Variants in MCUB observed in about 807,000 individuals in gnomAD.
MCUB encodes the protein calcium uniporter regulatory subunit MCUb, mitochondrial.
In MCUB, 46 loss-of-function variants were observed where a neutral mutation model predicts 41.4. The observed-to-expected ratio is 1.11, with a 90% CI of 0.88 to 1.42. MCUB has a LOEUF of 1.42. MCUB is among the 40% of genes most tolerant of loss of function. The pLI is 0.00. For synonymous variants in MCUB, 148 were observed against 148.2 expected (o/e 1.00, Z 0.01); for missense variants, 403 against 404.9 (o/e 1.00, Z 0.04).
At chr4:109,586,086 A>G (rs1186737087) in intron 1 of MCUB, among the ~76,000 whole-genome samples, 1 of 152,194 alleles carries the variant, frequency 6.6e-6, no homozygotes, top group East Asian at 1.9e-4. Context: ...TTTCAGGTAC[A>G]CCAATCAGAC....
chr4:109,612,329 T>C (rs548469962), intron 1 of MCUB, among the ~76,000 whole-genome samples: 1 of 147,894 alleles, frequency 6.8e-6, no homozygotes, highest in South Asian at 2.2e-4. Context: ...TGCAGTGGTG[T>C]GATCCCGGCT....
intron 1 of MCUB, among the ~76,000 whole-genome samples, chr4:109,652,985 A>G (rs1330286255): frequency 6.6e-6 from 1 of 152,174 alleles, no homozygotes; most frequent in Non-Finnish European, 1.5e-5. Flanking sequence ...ATGAAATGGC[A>G]TTTGTACAAA....
chr4:109,584,351 T>C (rs989154030), intron 1 of MCUB, among the ~76,000 whole-genome samples: 2 of 152,222 alleles, frequency 1.3e-5, no homozygotes, highest in Non-Finnish European at 2.9e-5. Context: ...TTCTTCTTTA[T>C]TAGTCTTGCT....
chr4:109,609,792 C>T (rs1477881991), intron 1 of MCUB, among the ~76,000 whole-genome samples: 1 of 152,156 alleles, frequency 6.6e-6, no homozygotes, highest in Admixed American at 6.5e-5. Context: ...CCTATGTTCA[C>T]TCAAGACCTT....
chr4:109,676,855 G>A (rs964815348), intron 4 of MCUB, among the ~76,000 whole-genome samples: 32 of 152,222 alleles, frequency 2.1e-4, no homozygotes, highest in Non-Finnish European at 2.5e-4. Context: ...AGTAAAATGA[G>A]AGGAGAATAG....
chr4:109,627,811 A>G (rs905226445), intron 1 of MCUB, among the ~76,000 whole-genome samples: 6 of 151,928 alleles, frequency 3.9e-5, no homozygotes, highest in African/African-American at 1.2e-4. Flanking sequence ...TACTCGGGAA[A>G]CTGAGTCAGG....
chr4:109,643,974 CAA>C (rs1561238371), intron 1 of MCUB, among the ~76,000 whole-genome samples: 1 of 151,916 alleles, frequency 6.6e-6, no homozygotes, highest in Non-Finnish European at 1.5e-5. Flanking sequence ...AAATGTTAAA[CAA>C]GATTTGGGGG....
At chr4:109,600,826 C>T (rs528192589) in intron 1 of MCUB, among the ~76,000 whole-genome samples, 13 of 152,198 alleles carry the variant, frequency 8.5e-5, no homozygotes, top group East Asian at 1.9e-4. Context: ...GACTAAGTCT[C>T]GTCCTGTCAC....
At chr4:109,632,708 C>T (rs989725080) in intron 1 of MCUB, among the ~76,000 whole-genome samples, 1 of 150,932 alleles carries the variant, frequency 6.6e-6, no homozygotes, top group Non-Finnish European at 1.5e-5. Context: ...CTCCACCTCC[C>T]GGTTCAAGTG....
At chr4:109,625,801 G>A (rs1264113245) in intron 1 of MCUB, among the ~76,000 whole-genome samples, 2 of 152,172 alleles carry the variant, frequency 1.3e-5, no homozygotes, top group African/African-American at 2.4e-5. Context: ...AGGATACAGG[G>A]TGAGGTACAG....
At chr4:109,665,976 G>A (rs1016469814) in intron 4 of MCUB, among the ~76,000 whole-genome samples, 6 of 151,770 alleles carry the variant, frequency 4.0e-5, no homozygotes. Flanking sequence ...GGCAAGAGGG[G>A]AAAGAAGAAG....
intron 1 of MCUB, among the ~76,000 whole-genome samples, chr4:109,644,196 A>C (rs2126141059): frequency 6.6e-6 from 1 of 152,340 alleles, no homozygotes; most frequent in South Asian, 2.1e-4. Flanking sequence ...AGTGGTAGAA[A>C]ATAAATAGAA....
chr4:109,681,765 G>A (rs1364253996), intron 4 of MCUB, among the ~76,000 whole-genome samples: 2 of 152,208 alleles, frequency 1.3e-5, no homozygotes, highest in Non-Finnish European at 2.9e-5. Context: ...TGCTGGATCC[G>A]GAAGAATGTA....
intron 1 of MCUB, among the ~76,000 whole-genome samples, chr4:109,649,620 G>A (rs1005256806): frequency 6.6e-6 from 1 of 151,750 alleles, no homozygotes; most frequent in Non-Finnish European, 1.5e-5. Context: ...GCTTTCCTTT[G>A]TAGGCAATCT....
At chr4:109,604,851 T>A (rs1259404745) in intron 1 of MCUB, among the ~76,000 whole-genome samples, 1 of 152,186 alleles carries the variant, frequency 6.6e-6, no homozygotes, top group Non-Finnish European at 1.5e-5. Context: ...AAACCATGGT[T>A]CCCTCCTTGG....
At chr4:109,567,131 C>CAAAAA (rs397994929) in intron 1 of MCUB, among the ~76,000 whole-genome samples, 1 of 55,980 alleles carries the variant, frequency 1.8e-5, no homozygotes, top group African/African-American at 5.6e-5. Context: ...GACTCCATCT[C>CAAAAA]AAAAAAAAAA....
At chr4:109,668,705 T>C (rs572725159) in intron 4 of MCUB, among the ~76,000 whole-genome samples, 4 of 152,154 alleles carry the variant, frequency 2.6e-5, no homozygotes, top group Admixed American at 2.6e-4. Flanking sequence ...ACTGTTTTTT[T>C]TTTTCCTGTT....
At chr4:109,684,977 T>G (rs1163434963) in intron 6 of MCUB, 1 of 392,422 alleles carries the variant, frequency 2.5e-6, no homozygotes, top group Non-Finnish European at 4.5e-6. Context: ...TTATTTAATA[T>G]GCCAAAAATC....
chr4:109,614,978 A>T (rs1465248541), intron 1 of MCUB, among the ~76,000 whole-genome samples: 1 of 152,212 alleles, frequency 6.6e-6, no homozygotes, highest in African/African-American at 2.4e-5. Flanking sequence ...TATACTGTTT[A>T]ACCTTAGGAT....
Sources: gnomAD v4.1 joint callset for allele counts (sites outside exome capture counted in the v4.1 genomes callset) on GRCh38, gnomAD v4.1.1 for gene constraint, MANE v1.5 for transcripts, NCBI Gene and HGNC (gene_info 2026-07-23, HGNC 2026-07-21) for gene names.